Variants in ANTXR1 observed in about 807,000 individuals in gnomAD.
ANTXR1 encodes anthrax toxin receptor 1.
ANTXR1 carries 19 observed loss-of-function variants against 78.1 expected under a neutral mutation model. That is an observed-to-expected ratio of 0.24 (90% CI 0.17 to 0.36). The LOEUF (loss-of-function observed/expected upper bound fraction) is 0.36, where lower values mean the gene tolerates loss of function less well. Ranked by LOEUF, ANTXR1 falls within the 10% of genes least tolerant of loss-of-function variation. The probability of loss-of-function intolerance (pLI) is 1.00; values close to 1 mark genes in which losing one functional copy is unlikely to be tolerated. For missense variants in ANTXR1, 518 were observed against 718.6 expected, an observed-to-expected ratio of 0.72 and a Z score of 3.19; for synonymous variants, 273 against 260.5, an observed-to-expected ratio of 1.05 and a Z score of -0.46.
chr2:69,029,296 AAT>A (rs141547078), intron 1 of ANTXR1, among the ~76,000 whole-genome samples: 5 of 148,144 alleles, frequency 3.4e-5, no homozygotes, highest in African/African-American at 4.9e-5. Flanking sequence ...TCTAATATCT[AAT>A]ATATATATAT....
At chr2:69,056,340 G>A (rs1158862104) in intron 3 of ANTXR1, among the ~76,000 whole-genome samples, 1 of 152,124 alleles carries the variant, frequency 6.6e-6, no homozygotes, top group Non-Finnish European at 1.5e-5. Context: ...TGGGTGACCT[G>A]TTGAGTCTTG....
At chr2:69,121,784 C>T (rs535406726) in intron 10 of ANTXR1, among the ~76,000 whole-genome samples, 1 of 152,298 alleles carries the variant, frequency 6.6e-6, no homozygotes, top group African/African-American at 2.4e-5. Context: ...TTGTACAGCA[C>T]ATGTACCCAA....
chr2:69,020,805 C>A (rs1671168584), intron 1 of ANTXR1, among the ~76,000 whole-genome samples: 1 of 152,200 alleles, frequency 6.6e-6, no homozygotes, highest in Admixed American at 6.5e-5. Context: ...AATTAGATTT[C>A]TCCAATTTGA....
intron 16 of ANTXR1, among the ~76,000 whole-genome samples, chr2:69,186,687 G>C (rs1674425338): frequency 6.6e-6 from 1 of 152,234 alleles, no homozygotes; most frequent in African/African-American, 2.4e-5. Context: ...GACAGGAACT[G>C]TTTCTTTAGT....
At chr2:69,053,529 G>C (rs1208387834) in intron 3 of ANTXR1, among the ~76,000 whole-genome samples, 1 of 152,058 alleles carries the variant, frequency 6.6e-6, no homozygotes, top group African/African-American at 2.4e-5. Flanking sequence ...GAAATTCAAA[G>C]TTTCTGGCAT....
intron 10 of ANTXR1, among the ~76,000 whole-genome samples, chr2:69,115,176 T>C (rs971407535): frequency 6.6e-6 from 1 of 152,232 alleles, no homozygotes; most frequent in Non-Finnish European, 1.5e-5. Context: ...TGCTCAGGCA[T>C]TGCTAGTTGC....
chr2:69,140,656 G>A (rs1673045879), intron 12 of ANTXR1, among the ~76,000 whole-genome samples: 1 of 152,178 alleles, frequency 6.6e-6, no homozygotes, highest in African/African-American at 2.4e-5. Context: ...TTTAGAAAGA[G>A]TCCCAAGGGA....
At chr2:69,165,209 C>T (rs34149604) in intron 13 of ANTXR1, among the ~76,000 whole-genome samples, 57,654 of 152,070 alleles carry the variant, frequency 0.38, 11,122 homozygotes, top group South Asian at 0.47. Context: ...TGCTTCATTT[C>T]GTTAATAAAG....
chr2:69,190,932 G>A (rs777514081), intron 16 of ANTXR1, among the ~76,000 whole-genome samples: 6 of 152,144 alleles, frequency 3.9e-5, no homozygotes, highest in Non-Finnish European at 7.3e-5. Flanking sequence ...TGGGTGATTA[G>A]CACACACAGC....
At chr2:69,236,651 A>C (rs1190881336) in intron 17 of ANTXR1, among the ~76,000 whole-genome samples, 2 of 152,234 alleles carry the variant, frequency 1.3e-5, no homozygotes, top group Admixed American at 1.3e-4. Context: ...ATTTGTTCTA[A>C]AACAATTGAC....
intron 13 of ANTXR1, 70 bp from the exon 14 acceptor site, chr2:69,170,178 T>A (rs1317140010): frequency 6.3e-7 from 1 of 1,577,292 alleles, no homozygotes; most frequent in Non-Finnish European, 8.7e-7. Context: ...CGGTACCTCC[T>A]GACAGCAAGC....
In ANTXR1 at chr2:69,013,419, C is replaced by G. The variant is rs1178664816; in HGVS notation, c.-81C>G. 1 of 1,553,130 alleles carries G rather than the reference C, an allele frequency of 6.4e-7. No individual in the cohort carries two copies. The highest frequency in any genetic ancestry group is 8.7e-7 in the Non-Finnish European group (1 of 1,146,826). Reference sequence around the variant, plus strand: ...TAAAGGACCCGCGAGGAAGGGCCCGCGGATGGCGCGTCCCTGAGGGTCGTG... The same window carrying G: ...TAAAGGACCCGCGAGGAAGGGCCCGGGGATGGCGCGTCCCTGAGGGTCGTG... On this transcript the variant is annotated 5_prime_UTR_variant, in exon 1 of 18. Transcript: ENST00000303714. This position sits in a 1 kb window ranked among gnomAD's most constrained non-coding sequence, Gnocchi z 5.0.
At chr2:69,110,597 G>A (rs1357587197) in intron 10 of ANTXR1, among the ~76,000 whole-genome samples, 4 of 152,052 alleles carry the variant, frequency 2.6e-5, no homozygotes, top group Non-Finnish European at 5.9e-5. Flanking sequence ...GGTGGCTCAC[G>A]CCTGTAATCC....
intron 17 of ANTXR1, among the ~76,000 whole-genome samples, chr2:69,233,305 C>T (rs1227314910): frequency 6.6e-6 from 1 of 151,820 alleles, no homozygotes; most frequent in East Asian, 1.9e-4. Flanking sequence ...AAAAGTAGCT[C>T]ACAACAAAAG....
intron 17 of ANTXR1, among the ~76,000 whole-genome samples, chr2:69,220,823 G>C (rs1675299909): frequency 6.6e-6 from 1 of 152,158 alleles, no homozygotes; most frequent in Non-Finnish European, 1.5e-5. Flanking sequence ...TTGACCCCTG[G>C]AAGTCCCTAT....
chr2:69,058,846 CA>C (rs1469274886), intron 3 of ANTXR1, among the ~76,000 whole-genome samples: 4 of 152,104 alleles, frequency 2.6e-5, no homozygotes, highest in African/African-American at 9.7e-5. Flanking sequence ...CAGGAGTGGC[CA>C]AAATATCGAC....
chr2:69,174,362 G>A (rs1170629182), intron 14 of ANTXR1, among the ~76,000 whole-genome samples: 1 of 152,206 alleles, frequency 6.6e-6, no homozygotes, highest in Non-Finnish European at 1.5e-5. Flanking sequence ...ACTGGGCCAG[G>A]TACAGTGGCT....
intron 17 of ANTXR1, among the ~76,000 whole-genome samples, chr2:69,196,616 G>A (rs116708964): frequency 2.6e-3 from 398 of 152,284 alleles, no homozygotes; most frequent in African/African-American, 9.2e-3. Flanking sequence ...TGCTTGCATG[G>A]TGGTGAGTCT....
chr2:69,200,846 CTT>C (rs780967889), intron 17 of ANTXR1, among the ~76,000 whole-genome samples: 50 of 152,100 alleles, frequency 3.3e-4, no homozygotes, highest in Non-Finnish European at 6.2e-4. Flanking sequence ...TTCACAGTAA[CTT>C]GGGGTAATGA....
Sources: allele counts gnomAD v4.1 joint callset (sites outside exome capture counted in the v4.1 genomes callset), GRCh38; gene constraint gnomAD v4.1.1; non-coding constraint Gnocchi (gnomAD v3.1); transcripts MANE v1.5; gene names NCBI Gene and HGNC (gene_info 2026-07-23, HGNC 2026-07-21).